The following TUBB8B variants were observed in gnomAD, a reference collection of about 807,000 sequenced individuals.
TUBB8B encodes HSA18p11 beta-tubulin 4Q pseudogene.
Under a neutral mutation model 31.9 loss-of-function variants are expected in TUBB8B, and 26 were observed. The ratio of observed to expected loss-of-function variants is 0.81; its 90% CI spans 0.60 to 1.13. The LOEUF is 1.13. Among genes scored for constraint, TUBB8B ranks in the 50% most tolerant of loss-of-function variants. The pLI, the probability that TUBB8B is intolerant of heterozygous loss-of-function variation, is 0.00. For missense variants in TUBB8B, 467 were observed against 586.7 expected (o/e 0.80, Z 2.11); for synonymous variants, 173 against 231.0 (o/e 0.75, Z 2.28).
At chr18:64,100 C>CACCCTA in the TUBB8B span, among the ~76,000 whole-genome samples, 58 of 151,768 alleles carry the variant, frequency 3.8e-4, no homozygotes, top group African/African-American at 1.4e-3. Flanking sequence ...CCCTCACCCT[C>CACCCTA]ACCCTAACCC....
At chr18:53,345 A>G (rs564423291), upstream of TUBB8B, among the ~76,000 whole-genome samples, 1 of 151,990 alleles carries the variant, frequency 6.6e-6, no homozygotes, top group Non-Finnish European at 1.5e-5. Context: ...GAGTGAAATT[A>G]GTCCTCAAAG....
At chr18:60,535 A>C in the TUBB8B span, among the ~76,000 whole-genome samples, 11 of 151,626 alleles carry the variant, frequency 7.3e-5, no homozygotes, top group Non-Finnish European at 1.0e-4. Flanking sequence ...CTAGTGAATT[A>C]AGATGTATTG....
chr18:69,262 A>T, the TUBB8B span, among the ~76,000 whole-genome samples: 2 of 152,176 alleles, frequency 1.3e-5, no homozygotes, highest in African/African-American at 4.8e-5. Flanking sequence ...CGGGGGTCTG[A>T]GGCCAGCCTG....
In TUBB8B at chr18:47,530, T is replaced by G. The variant is rs775769723; in HGVS notation, c.1195A>C (p.Thr399Pro). ...FRRKAFLHWY[T>P]GEGMDEMEFT... ...TCCATCTCATCCATGCCCTCGCCCG[T>G]GTACCAGTGGAGGAAGGCCTTGCGC... Residue 399 changes from threonine (T) to proline (P), a missense_variant, in exon 4 of 4, where the codon ACG (threonine) becomes CCG (proline). Thr to Pro is a conservative substitution (Grantham distance 38). Around this residue, in one of 2 missense-constraint regions of TUBB8B, gnomAD observed 208 missense variants for 206.7 expected, o/e 1.01. Coordinates refer to ENST00000308911, the MANE Select transcript of TUBB8B (RefSeq NM_001358689.2). 4 of 1,606,770 alleles carry G rather than the reference T, an allele frequency of 2.5e-6. No homozygotes were observed. The East Asian group carries it at 8.9e-5, about 36-fold the overall frequency.
chr18:72,690 C>T, the TUBB8B span, among the ~76,000 whole-genome samples: 2 of 152,228 alleles, frequency 1.3e-5, no homozygotes, highest in Admixed American at 6.5e-5. Flanking sequence ...ACTGACCAGG[C>T]GACGTGGCTC....
the TUBB8B span, among the ~76,000 whole-genome samples, chr18:66,973 C>T: frequency 1.3e-5 from 2 of 150,800 alleles, no homozygotes; most frequent in African/African-American, 4.9e-5. Flanking sequence ...TTTCCATGTA[C>T]AAGTTATTTT....
At chr18:58,327 T>G in the TUBB8B span, among the ~76,000 whole-genome samples, 2 of 151,678 alleles carry the variant, frequency 1.3e-5, no homozygotes, top group East Asian at 1.9e-4. Flanking sequence ...ACAACTTACT[T>G]TTTTTTGCTC....
At chr18:55,294 T>C in the TUBB8B span, among the ~76,000 whole-genome samples, 1 of 151,648 alleles carries the variant, frequency 6.6e-6, no homozygotes, top group Admixed American at 6.6e-5. Context: ...GGAGACGGGG[T>C]TTCACCATCT....
the TUBB8B span, among the ~76,000 whole-genome samples, chr18:56,846 T>C: frequency 6.6e-6 from 1 of 151,892 alleles, no homozygotes; most frequent in Admixed American, 6.6e-5. Flanking sequence ...CTGCTTCTGG[T>C]CAAGCCTCTG....
chr18:66,170 A>G, the TUBB8B span, among the ~76,000 whole-genome samples: 32 of 152,314 alleles, frequency 2.1e-4, no homozygotes, highest in African/African-American at 7.7e-4. Flanking sequence ...TTTAGGCTGC[A>G]ATAAGCCACG....
the TUBB8B span, among the ~76,000 whole-genome samples, chr18:59,129 T>A: frequency 6.6e-6 from 1 of 151,876 alleles, no homozygotes; most frequent in East Asian, 1.9e-4. Flanking sequence ...ACCTCCAACA[T>A]TGGGAATTAC....
chr18:47,269 T>C lies in TUBB8B; in HGVS notation c.*121A>G. 1.7e-6 allele frequency: 1 copy of C among 572,718 alleles called. No individual in the cohort carries two copies. The highest frequency in any genetic ancestry group is 3.0e-6 in the Non-Finnish European group (1 of 328,886). The allele number at this position is 572,718 out of a possible 1,614,324, so 35.5% of individuals were successfully genotyped here. A position where few individuals can be genotyped will look rare whatever the true frequency, so the allele number is the denominator to read the frequency against. On this transcript the variant is annotated 3_prime_UTR_variant, in exon 4 of 4. Transcript: ENST00000308911. Reference sequence around the variant, plus strand: ...TAGTCAAAACCGCATACTATAAAAATGCTTTAAAACGCAGCAGGAGATGTG... The same window carrying C: ...TAGTCAAAACCGCATACTATAAAAACGCTTTAAAACGCAGCAGGAGATGTG...
At chr18:61,142 T>G in the TUBB8B span, among the ~76,000 whole-genome samples, 1 of 151,664 alleles carries the variant, frequency 6.6e-6, no homozygotes, top group African/African-American at 2.4e-5. Context: ...TAGTGTTGAG[T>G]GCATATATAT....
At chr18:58,895 G>A in the TUBB8B span, among the ~76,000 whole-genome samples, 3 of 151,792 alleles carry the variant, frequency 2.0e-5, 1 homozygote, top group Non-Finnish European at 4.4e-5. Flanking sequence ...CTTCTGGGAA[G>A]GCCTCTGGAA....
chr18:47,758 T>C lies in TUBB8B; in HGVS notation c.967A>G (p.Met323Val). 2 of 1,611,248 alleles carry C rather than the reference T, an allele frequency of 1.2e-6. No homozygotes were observed. The stretch of plus-strand genomic sequence containing the variant: ...AACATTTGTTCATCCACCTCCCTCA[T>C]GGGCATGCGACCCCTGAAAATGGCA... ...VAAIFRGRMP[M>V]REVDEQMFNI... Residue 323 changes from methionine to valine, a missense_variant, in exon 4 of 4, where the codon ATG becomes GTG. By Grantham distance (21) the Met-to-Val change is conservative. Coordinates refer to ENST00000308911, the MANE Select transcript of TUBB8B (RefSeq NM_001358689.2).
the TUBB8B span, among the ~76,000 whole-genome samples, chr18:62,462 A>AG: frequency 6.8e-6 from 1 of 148,022 alleles, no homozygotes; most frequent in Non-Finnish European, 1.5e-5. Flanking sequence ...TCTGTAGCCC[A>AG]GGCTGGAGTG....
the TUBB8B span, among the ~76,000 whole-genome samples, chr18:63,529 G>C: frequency 4.0e-5 from 6 of 151,534 alleles, no homozygotes; most frequent in African/African-American, 1.5e-4. Context: ...GACTGCGCTG[G>C]TTCACACTTG....
chr18:51,873 T>C (rs1488498835), upstream of TUBB8B, among the ~76,000 whole-genome samples: 1 of 151,870 alleles, frequency 6.6e-6, no homozygotes, highest in Non-Finnish European at 1.5e-5. Flanking sequence ...TTTTTATAAA[T>C]TACCCAGCCT....
At chr18:56,092 CT>C in the TUBB8B span, among the ~76,000 whole-genome samples, 3 of 151,710 alleles carry the variant, frequency 2.0e-5, no homozygotes, top group Non-Finnish European at 4.4e-5. Context: ...CAGAAACTGT[CT>C]TGTTTTTTGT....
Sources: gnomAD v4.1 joint callset for allele counts (sites outside exome capture counted in the v4.1 genomes callset) on GRCh38, gnomAD v4.1.1 for gene constraint, gnomAD v4.1.1 regional missense constraint, MANE v1.5 for transcripts, NCBI Gene and HGNC (gene_info 2026-07-23, HGNC 2026-07-21) for gene names.